Variants in CDK19 observed in about 807,000 individuals in gnomAD.
CDK19 encodes cyclin dependent kinase 19.
A neutral mutation model predicts 68.3 loss-of-function variants in CDK19; 20 were observed. The ratio of observed to expected loss-of-function variants is 0.29; its 90% CI spans 0.21 to 0.43. The LOEUF (loss-of-function observed/expected upper bound fraction) is 0.43. Among genes scored for constraint, CDK19 ranks in the 20% least tolerant of loss-of-function variants. The probability of loss-of-function intolerance (pLI) is 1.00; values close to 1 mark genes in which losing one functional copy is unlikely to be tolerated. For missense variants in CDK19, 339 were observed against 623.5 expected, an observed-to-expected ratio of 0.54 and a Z score of 4.86; for synonymous variants, 221 against 222.8, an observed-to-expected ratio of 0.99 and a Z score of 0.07.
chr6:110,745,065 A>C (rs2114872607), intron 2 of CDK19, among the ~76,000 whole-genome samples: 1 of 152,336 alleles, frequency 6.6e-6, no homozygotes, highest in Admixed American at 6.5e-5. Context: ...TTAGAGACAA[A>C]CATCTCTAAT....
In CDK19 at chr6:110,641,696, G is replaced by A. The variant is rs570592046; in HGVS notation, c.457-2990C>T. On this transcript the variant is annotated intron_variant, in intron 4 of 12. Transcript: ENST00000368911. ...AAGGAAGGAAGGAAGGAGGGACAAG[G>A]CAGAGGGCAGATTATGAAAACTATC... Among the ~76,000 whole-genome samples, 20 of 130,656 alleles carry A rather than the reference G, an allele frequency of 1.5e-4. No homozygotes were observed. In the East Asian group the frequency reaches 4.2e-3, roughly 28 times the overall value. The allele number at this position is 130,656 out of a possible 152,430, so 85.7% of individuals were successfully genotyped here. A position where few individuals can be genotyped will look rare whatever the true frequency, so the allele number is the denominator to read the frequency against.
chr6:110,759,182 C>T (rs528670371), intron 1 of CDK19, among the ~76,000 whole-genome samples: 1 of 151,172 alleles, frequency 6.6e-6, no homozygotes, highest in East Asian at 1.9e-4. Flanking sequence ...AGGCAGATCA[C>T]GAGGTCAGGA....
At chr6:110,800,603 C>T (rs1051153783) in intron 1 of CDK19, among the ~76,000 whole-genome samples, 1 of 152,118 alleles carries the variant, frequency 6.6e-6, no homozygotes, top group African/African-American at 2.4e-5. Context: ...TAATTCACTA[C>T]GATCAAGTGG....
At chr6:110,625,104 T>C (rs1779004036) in intron 8 of CDK19, among the ~76,000 whole-genome samples, 1 of 152,172 alleles carries the variant, frequency 6.6e-6, no homozygotes, top group African/African-American at 2.4e-5. Context: ...GCATACATAT[T>C]TTAAAGCCTT....
At chr6:110,721,570 A>G (rs1047966608) in intron 2 of CDK19, among the ~76,000 whole-genome samples, 1 of 152,210 alleles carries the variant, frequency 6.6e-6, no homozygotes, top group Non-Finnish European at 1.5e-5. Flanking sequence ...GGCTAGGCAC[A>G]TAAAAGGGTT....
intron 2 of CDK19, among the ~76,000 whole-genome samples, chr6:110,733,706 C>T (rs1364991419): frequency 6.6e-6 from 1 of 151,520 alleles, no homozygotes; most frequent in Non-Finnish European, 1.5e-5. Flanking sequence ...TTATATATAT[C>T]GCTAAAACAC....
chr6:110,627,538 A>C (rs1286908692), intron 6 of CDK19, among the ~76,000 whole-genome samples: 1 of 152,084 alleles, frequency 6.6e-6, no homozygotes, highest in Non-Finnish European at 1.5e-5. Flanking sequence ...TGTTGTTTTT[A>C]GGGTCTCTGT....
At chr6:110,697,167 T>G (rs1582886906) in intron 2 of CDK19, among the ~76,000 whole-genome samples, 1 of 151,382 alleles carries the variant, frequency 6.6e-6, no homozygotes, top group Admixed American at 6.6e-5. Flanking sequence ...GAGGCGGAGG[T>G]TACAGTGAGC....
intron 1 of CDK19, among the ~76,000 whole-genome samples, chr6:110,790,866 T>C (rs1359386201): frequency 1.3e-5 from 2 of 151,906 alleles, no homozygotes; most frequent in African/African-American, 2.4e-5. Flanking sequence ...ATACAGACTA[T>C]AGTTATTAAA....
intron 1 of CDK19, among the ~76,000 whole-genome samples, chr6:110,763,211 TA>T (rs1229385201): frequency 6.6e-6 from 1 of 152,132 alleles, no homozygotes; most frequent in Non-Finnish European, 1.5e-5. Context: ...ATCTTTCTCA[TA>T]AAAGTTAAGG....
At chr6:110,726,886 T>C (rs1241521389) in intron 2 of CDK19, among the ~76,000 whole-genome samples, 1 of 152,184 alleles carries the variant, frequency 6.6e-6, no homozygotes, top group African/African-American at 2.4e-5. Flanking sequence ...ATTTTCATAA[T>C]CCCATAAAGT....
chr6:110,642,502 A>G (rs1395800817), intron 4 of CDK19, among the ~76,000 whole-genome samples: 1 of 152,214 alleles, frequency 6.6e-6, no homozygotes, highest in African/African-American at 2.4e-5. Flanking sequence ...TCTAGTGAGA[A>G]GAGAAAGGCA....
chr6:110,745,766 A>G (rs929919761), intron 2 of CDK19, among the ~76,000 whole-genome samples: 2 of 152,100 alleles, frequency 1.3e-5, no homozygotes, highest in Admixed American at 6.6e-5. Flanking sequence ...CAGAAGTTTG[A>G]GACCAACCTA....
rs1421199882 is a variant in CDK19, at chr6:110,617,660, TATACACACACACACAC to T, written c.1378-3010_1378-2995del. Among the ~76,000 whole-genome samples, 6 of 66,834 alleles carry T rather than the reference TATACACACACACACAC, an allele frequency of 9.0e-5. 1 individual carries two copies. The highest frequency in any genetic ancestry group is 1.6e-4 in the Non-Finnish European group (6 of 37,702). 43.8% of individuals were successfully genotyped at this position (66,834 alleles called of 152,430 possible). A position where few individuals can be genotyped will look rare whatever the true frequency, so the allele number is the denominator to read the frequency against. On this transcript the variant is annotated intron_variant, in intron 12 of 12. Coordinates refer to ENST00000368911, the MANE Select transcript of CDK19 (RefSeq NM_015076.5). ...ATAATAATAAAATTATTTATATATA[TATACACACACACACAC>T]ACACACACACACACACACACACACA...
rs1480671768 is a variant in CDK19 at position 110,690,160 on chromosome 6, G to GT, written c.205-19620dup. On this transcript the variant is annotated intron_variant, in intron 2 of 12. Transcript: ENST00000368911. ...TTAGGGCTTCCCCCACAGGAGCTCA[G>GT]TATGTGTGCACCTATAGACAGCCTT... is the stretch of plus-strand genomic sequence containing the variant. Among the ~76,000 whole-genome samples the GT allele has an allele frequency of 2.6e-5, 4 of 152,184 alleles. No individual in the cohort carries two copies. In the East Asian group the frequency reaches 7.7e-4, roughly 29 times the overall value.
intron 1 of CDK19, among the ~76,000 whole-genome samples, chr6:110,751,155 C>G (rs998782731): frequency 2.0e-5 from 3 of 152,140 alleles, no homozygotes; most frequent in Non-Finnish European, 4.4e-5. Context: ...TTTCATATCC[C>G]TTAGAACAGG....
chr6:110,610,200 C>A lies in CDK19; in HGVS notation c.*4335G>T, dbSNP rs1777949564. On this transcript the variant is annotated 3_prime_UTR_variant, in exon 13 of 13. Transcript: ENST00000368911. Reference sequence around the variant, plus strand: ...GTGGAGCACGAAAAGCTACAGTCATCTCTATAACCATATAAAGGGGGATGC... The same window carrying A: ...GTGGAGCACGAAAAGCTACAGTCATATCTATAACCATATAAAGGGGGATGC... 1 of 152,288 alleles carries A rather than the reference C, an allele frequency of 6.6e-6. No homozygotes were observed. The highest frequency in any genetic ancestry group is 2.1e-4 in the South Asian group (1 of 4,822). The allele number at this position is 152,288 out of a possible 1,614,324, so 9.4% of individuals were successfully genotyped here.
intron 2 of CDK19, among the ~76,000 whole-genome samples, chr6:110,745,524 G>A (rs888373292): frequency 2.6e-5 from 4 of 151,898 alleles, no homozygotes; most frequent in Non-Finnish European, 5.9e-5. Context: ...CAGTCCTAAA[G>A]CTACAGAAAA....
chr6:110,680,384 G>A (rs1454459048), intron 2 of CDK19, among the ~76,000 whole-genome samples: 2 of 152,154 alleles, frequency 1.3e-5, no homozygotes, highest in Non-Finnish European at 2.9e-5. Context: ...GGACACAGGG[G>A]AACACAAGTG....
Sources: gnomAD v4.1 joint callset for allele counts (sites outside exome capture counted in the v4.1 genomes callset) on GRCh38, gnomAD v4.1.1 for gene constraint, MANE v1.5 for transcripts, NCBI Gene and HGNC (gene_info 2026-07-23, HGNC 2026-07-21) for gene names.